Variants in HFM1 observed in about 807,000 individuals in gnomAD.
The protein encoded by HFM1 is probable ATP-dependent DNA helicase HFM1.
HFM1 carries 169 observed loss-of-function variants against 192.1 expected under a neutral mutation model. That is an observed-to-expected ratio of 0.88 (90% CI 0.78 to 1.00). The LOEUF is 1.00. Among genes scored for constraint, HFM1 ranks in the 50% least tolerant of loss-of-function variants. The pLI, the probability that HFM1 is intolerant of heterozygous loss-of-function variation, is 0.00. For missense variants in HFM1, 1,661 were observed against 1,668.0 expected (o/e 1.00, Z 0.07); for synonymous variants, 525 against 537.8 (o/e 0.98, Z 0.33).
Position 91,380,130 on chromosome 1 carries a change from G to T in HFM1, c.980C>A (p.Pro327Gln). The T allele has an allele frequency of 7.0e-7, 1 of 1,433,116 alleles. No homozygotes were observed. Among genetic ancestry groups the T allele is most frequent in the Non-Finnish European group, 9.6e-7 (1 of 1,040,530 alleles). 88.8% of individuals were successfully genotyped at this position (1,433,116 alleles called of 1,614,324 possible). A position where few individuals can be genotyped will look rare whatever the true frequency, so the allele number is the denominator to read the frequency against. The change falls in exon 8 of 39, where the codon CCA (proline) becomes CAA (glutamine). Residue 327 changes from proline to glutamine, a missense_variant. By Grantham distance (76) the Pro-to-Gln change is moderately conservative (BLOSUM62 -1). Coordinates refer to ENST00000370425, the MANE Select transcript of HFM1 (RefSeq NM_001017975.6). ...GTAAACAATTTTAATATTCAACCAT[G>T]GCAATGGTACTTCCATTAACAATCT... ...ITRLLMEVPL[P>Q]WLNIKIVYMA...
At chr1:91,266,142 C>T in intron 35 of HFM1, 35 bp from the exon 36 acceptor site, 3 of 1,550,314 alleles carry the variant, frequency 1.9e-6, no homozygotes, top group African/African-American at 1.4e-5. Context: ...AACAAAATGC[C>T]AAGAAACAGC....
chr1:91,382,714 TA>T (rs1661697123), intron 6 of HFM1, among the ~76,000 whole-genome samples: 1 of 152,250 alleles, frequency 6.6e-6, no homozygotes, highest in Admixed American at 6.5e-5. Context: ...TTTCTCTCAT[TA>T]GATAGTTCCA....
chr1:91,336,895 G>T (rs985313434), intron 20 of HFM1, among the ~76,000 whole-genome samples: 1 of 152,206 alleles, frequency 6.6e-6, no homozygotes, highest in Non-Finnish European at 1.5e-5. Context: ...GGGATACTAT[G>T]CAGCCATGAA....
At chr1:91,360,756 T>C (rs765681582) in intron 13 of HFM1, among the ~76,000 whole-genome samples, 1 of 152,018 alleles carries the variant, frequency 6.6e-6, no homozygotes, top group Non-Finnish European at 1.5e-5. Flanking sequence ...TTCTGATAGC[T>C]ACATGGCATG....
intron 30 of HFM1, among the ~76,000 whole-genome samples, chr1:91,288,193 C>T (rs1668244438): frequency 6.6e-6 from 1 of 151,254 alleles, no homozygotes; most frequent in African/African-American, 2.4e-5. Flanking sequence ...AGAAGAGCAA[C>T]ACCAAGACAC....
rs751069678 is a variant in HFM1, at chr1:91,396,371, G to A, written c.106C>T (p.Leu36Phe). The change falls in exon 3 of 39, where the codon CTC becomes TTC. Residue 36 changes from leucine (L) to phenylalanine (F), a missense_variant. Coordinates refer to ENST00000370425, the MANE Select transcript of HFM1 (RefSeq NM_001017975.6). ...PDNEKSLDWF[L>F]PPAPLISEIP... ...TCTGAAATCAATGGAGCAGGAGGGA[G>A]AAACCAATCCAATGACTTTTCATTG... is the stretch of plus-strand genomic sequence containing the variant. The A allele has an allele frequency of 2.5e-6, 4 of 1,601,536 alleles. No homozygotes were observed. Among genetic ancestry groups the A allele is most frequent in the South Asian group, 2.2e-5 (2 of 89,230 alleles).
At chr1:91,289,133 T>G (rs1293026865) in intron 30 of HFM1, among the ~76,000 whole-genome samples, 1 of 150,772 alleles carries the variant, frequency 6.6e-6, no homozygotes, top group East Asian at 2.0e-4. Context: ...GAGGGGCTCC[T>G]CATTTCTCAG....
At position 91,319,166 on chromosome 1, in the gene HFM1, T is replaced by C. The variant is rs1651698810; in HGVS notation, c.2724A>G (p.Val908=). The change falls in exon 25 of 39, where the codon GTA becomes GTG. Residue 908 remains valine (V), a synonymous_variant. Coordinates refer to ENST00000370425, the MANE Select transcript of HFM1 (RefSeq NM_001017975.6). ...FVAAQEKKFA[V]LLNSLILAKC... is the part of the protein sequence containing the mutation. ...TAGCTAAAATCAAACTATTCAATAG[T>C]ACAGCAAACTTCTTTTCTTGAGCAG... is the stretch of plus-strand genomic sequence containing the variant. The C allele has an allele frequency of 1.2e-6, 2 of 1,610,258 alleles. No individual in the cohort carries two copies. Among genetic ancestry groups the C allele is most frequent in the Non-Finnish European group, 1.7e-6 (2 of 1,178,884 alleles).
chr1:91,286,952 C>T (rs539235386), intron 30 of HFM1, among the ~76,000 whole-genome samples: 4 of 152,268 alleles, frequency 2.6e-5, no homozygotes, highest in South Asian at 2.1e-4. Context: ...GCTTTTCCGA[C>T]GGGCTTAAAA....
chr1:91,339,400 A>G (rs1043983644), intron 20 of HFM1, among the ~76,000 whole-genome samples: 7 of 152,064 alleles, frequency 4.6e-5, no homozygotes, highest in African/African-American at 1.4e-4. Context: ...TAAGGAACCC[A>G]GTAAAATGAT....
chr1:91,264,653 G>C (rs150702039), intron 36 of HFM1, among the ~76,000 whole-genome samples: 1 of 151,890 alleles, frequency 6.6e-6, no homozygotes, highest in Non-Finnish European at 1.5e-5. Context: ...GATTACAAGC[G>C]TGAGCCACCG....
Position 91,260,982 on chromosome 1 carries a change from G to C in HFM1, c.*308C>G, listed in dbSNP as rs142363303. ...AATATAAAAATGAAATTTTACATTG[G>C]TTCTTGTCAAAATCCAATTAATAGC... On this transcript the variant is annotated 3_prime_UTR_variant, in exon 39 of 39. Coordinates refer to ENST00000370425, the MANE Select transcript of HFM1 (RefSeq NM_001017975.6). 454 of 185,478 alleles carry C rather than the reference G, an allele frequency of 2.4e-3. 3 individuals are homozygous for C. Among genetic ancestry groups the C allele is most frequent in the African/African-American group, 0.01 (431 of 43,000 alleles). 11.5% of individuals were successfully genotyped at this position (185,478 alleles called of 1,614,324 possible).
intron 30 of HFM1, among the ~76,000 whole-genome samples, chr1:91,286,968 C>A (rs534742842): frequency 6.6e-6 from 1 of 152,122 alleles, no homozygotes; most frequent in African/African-American, 2.4e-5. Context: ...TAAAAAACGG[C>A]GCACCACGAG....
chr1:91,382,292 T>G lies in HFM1; in HGVS notation c.803-1310A>C, dbSNP rs72970357. On this transcript the variant is annotated intron_variant, in intron 6 of 38. Transcript: ENST00000370425. ...TTAACCCGCTTACCCTGCTCTACTT[T>G]TTTCTTTTCCCATAATAGTCACCAC... 8.0e-3 allele frequency among the ~76,000 whole-genome samples: 1,223 copies of G among 152,246 alleles called. 21 individuals are homozygous for G. The highest frequency in any genetic ancestry group is 0.028 in the African/African-American group (1,154 of 41,544).
At chr1:91,277,707 T>C (rs1425570134) in intron 30 of HFM1, among the ~76,000 whole-genome samples, 1 of 128,604 alleles carries the variant, frequency 7.8e-6, no homozygotes, top group Admixed American at 9.3e-5. Context: ...ATATATTATA[T>C]ATACTTTATA....
At chr1:91,293,140 T>C (rs1281097495) in intron 30 of HFM1, among the ~76,000 whole-genome samples, 1 of 152,156 alleles carries the variant, frequency 6.6e-6, no homozygotes, top group Non-Finnish European at 1.5e-5. Context: ...GACGTAGGCA[T>C]GGGCAAGGGC....
chr1:91,349,599 G>C (rs1656662354), intron 18 of HFM1, among the ~76,000 whole-genome samples: 1 of 152,160 alleles, frequency 6.6e-6, no homozygotes, highest in South Asian at 2.1e-4. Context: ...GTGAGAAACT[G>C]AGGCCTCTAA....
intron 13 of HFM1, among the ~76,000 whole-genome samples, chr1:91,370,839 A>G (rs1270855114): frequency 6.6e-6 from 1 of 152,000 alleles, no homozygotes; most frequent in Non-Finnish European, 1.5e-5. Context: ...TATTTAGAAA[A>G]CCCCATGTTC....
intron 30 of HFM1, 82 bp downstream of exon 30, chr1:91,313,267 T>C (rs1425585636): frequency 4.5e-6 from 3 of 665,714 alleles, no homozygotes; most frequent in Non-Finnish European, 7.4e-6. Flanking sequence ...TCAATCTGAG[T>C]GTTGCAGTAC....
Sources: allele counts gnomAD v4.1 joint callset (sites outside exome capture counted in the v4.1 genomes callset), GRCh38; gene constraint gnomAD v4.1.1; transcripts MANE v1.5; gene names NCBI Gene and HGNC (gene_info 2026-07-23, HGNC 2026-07-21).